Variants in ARHGAP24 observed in about 807,000 individuals in gnomAD.
The protein encoded by ARHGAP24 is rho GTPase-activating protein 24.
ARHGAP24 carries 50 observed loss-of-function variants against 76.4 expected under a neutral mutation model. The observed-to-expected ratio is 0.65, with a 90% CI of 0.52 to 0.83. The LOEUF is 0.83. Ranked by LOEUF, ARHGAP24 falls within the 40% of genes least tolerant of loss-of-function variation. ARHGAP24 has a pLI of 0.00. For synonymous variants in ARHGAP24, 345 were observed against 323.3 expected (o/e 1.07, Z -0.72); for missense variants, 930 against 914.2 (o/e 1.02, Z -0.22).
chr4:85,886,873 A>G (rs1446643356), intron 3 of ARHGAP24, among the ~76,000 whole-genome samples: 2 of 152,126 alleles, frequency 1.3e-5, no homozygotes, highest in African/African-American at 4.8e-5. Context: ...TGGGCAATGT[A>G]TTTGTTCTAT....
At chr4:85,990,655 G>A (rs753456726) in intron 8 of ARHGAP24, 3 of 151,628 alleles carry the variant, frequency 2.0e-5, no homozygotes, top group Non-Finnish European at 4.4e-5. Context: ...AATGTACCAC[G>A]GTATTTCAAT....
At chr4:85,569,978 T>C (rs1727016178) in intron 1 of ARHGAP24, among the ~76,000 whole-genome samples, 1 of 152,250 alleles carries the variant, frequency 6.6e-6, no homozygotes, top group African/African-American at 2.4e-5. Flanking sequence ...AGTTTGTTTA[T>C]AGAAATTCCT....
chr4:85,656,976 A>T (rs1357789365), intron 2 of ARHGAP24, among the ~76,000 whole-genome samples: 1 of 152,148 alleles, frequency 6.6e-6, no homozygotes, highest in Non-Finnish European at 1.5e-5. Flanking sequence ...ACAGCAAATT[A>T]TGTAGAATAG....
intron 3 of ARHGAP24, among the ~76,000 whole-genome samples, chr4:85,901,608 A>G (rs1240378909): frequency 6.6e-6 from 1 of 152,164 alleles, no homozygotes; most frequent in Non-Finnish European, 1.5e-5. Context: ...ATTTACTCAG[A>G]GCTTGAGATC....
intron 2 of ARHGAP24, among the ~76,000 whole-genome samples, chr4:85,667,024 A>C (rs890191618): frequency 6.6e-6 from 1 of 152,140 alleles, no homozygotes; most frequent in African/African-American, 2.4e-5. Context: ...TGCTCTCTTC[A>C]AAGCTGTCAG....
chr4:85,637,765 T>C (rs1721381877), intron 2 of ARHGAP24, among the ~76,000 whole-genome samples: 2 of 152,104 alleles, frequency 1.3e-5, no homozygotes, highest in South Asian at 2.1e-4. Context: ...CTCTTATTGA[T>C]GCAGCTACTA....
chr4:85,500,484 A>C (rs186776676), intron 1 of ARHGAP24, among the ~76,000 whole-genome samples: 18 of 152,366 alleles, frequency 1.2e-4, no homozygotes, highest in Middle Eastern at 3.4e-3. Flanking sequence ...CAACTCATTA[A>C]AACAACTAGG....
chr4:85,817,050 G>A (rs995239533), intron 3 of ARHGAP24, among the ~76,000 whole-genome samples: 1 of 151,910 alleles, frequency 6.6e-6, no homozygotes, highest in Non-Finnish European at 1.5e-5. Context: ...ATATCTGTTG[G>A]CCATTTGTAT....
intron 5 of ARHGAP24, among the ~76,000 whole-genome samples, chr4:85,968,068 C>T (rs1738737522): frequency 1.3e-5 from 2 of 152,142 alleles, no homozygotes; most frequent in South Asian, 2.1e-4. Context: ...TAGGTTTTCA[C>T]TTTGTTTTTG....
intron 8 of ARHGAP24, among the ~76,000 whole-genome samples, chr4:85,992,581 A>G (rs11943603): frequency 0.043 from 6,542 of 152,228 alleles, 503 homozygotes; most frequent in African/African-American, 0.15. Flanking sequence ...ACAGTCATAT[A>G]TAATGGAAAC....
chr4:85,960,143 G>A (rs1009614082), intron 5 of ARHGAP24, among the ~76,000 whole-genome samples: 1 of 152,096 alleles, frequency 6.6e-6, no homozygotes, highest in Non-Finnish European at 1.5e-5. Context: ...CAACATAGAA[G>A]TATTCTTAAC....
At chr4:85,592,778 A>G (rs1299915999) in intron 2 of ARHGAP24, among the ~76,000 whole-genome samples, 1 of 152,196 alleles carries the variant, frequency 6.6e-6, no homozygotes, top group Non-Finnish European at 1.5e-5. Flanking sequence ...CACTTAACAT[A>G]ATGAACTCCA....
rs536220169 is a variant in ARHGAP24 at position 85,783,700 on chromosome 4, G to C, written c.268+61728G>C. Among the ~76,000 whole-genome samples the C allele has an allele frequency of 2.0e-5, 3 of 152,274 alleles. No individual in the cohort carries two copies. The East Asian group carries it at 5.8e-4, about 29-fold the overall frequency. ...GGAGTGGAAGGGTTCTCATACTAAA[G>C]AAAACAGTCACGATTCCATGCCAGA... On this transcript the variant is annotated intron_variant, in intron 3 of 9. Coordinates refer to ENST00000395184, the MANE Select transcript of ARHGAP24 (RefSeq NM_001025616.3).
At chr4:85,886,225 T>C (rs918986912) in intron 3 of ARHGAP24, among the ~76,000 whole-genome samples, 2 of 152,164 alleles carry the variant, frequency 1.3e-5, no homozygotes, top group African/African-American at 2.4e-5. Context: ...ACATAATTTA[T>C]TTACTGTAAT....
At chr4:85,849,032 T>C (rs917892795) in intron 3 of ARHGAP24, among the ~76,000 whole-genome samples, 9 of 150,098 alleles carry the variant, frequency 6.0e-5, no homozygotes, top group African/African-American at 2.2e-4. Flanking sequence ...GTAAATTACC[T>C]TGGGCAGTAT....
At chr4:85,967,819 T>G (rs1207384152) in intron 5 of ARHGAP24, among the ~76,000 whole-genome samples, 2 of 152,146 alleles carry the variant, frequency 1.3e-5, no homozygotes, top group Non-Finnish European at 2.9e-5. Flanking sequence ...CAAATCTAGT[T>G]TAGTAGATCT....
intron 3 of ARHGAP24, among the ~76,000 whole-genome samples, chr4:85,865,618 G>A (rs1732155893): frequency 6.7e-6 from 1 of 148,614 alleles, no homozygotes; most frequent in Admixed American, 6.8e-5. Flanking sequence ...TATAATTAGG[G>A]AATGTACATT....
At chr4:85,740,731 T>C (rs1725792261) in intron 3 of ARHGAP24, among the ~76,000 whole-genome samples, 1 of 152,176 alleles carries the variant, frequency 6.6e-6, no homozygotes, top group Non-Finnish European at 1.5e-5. Context: ...GAAGATGATG[T>C]CATTCTTTGC....
intron 3 of ARHGAP24, among the ~76,000 whole-genome samples, chr4:85,838,077 GC>G (rs1474647624): frequency 6.6e-6 from 1 of 152,156 alleles, no homozygotes; most frequent in Non-Finnish European, 1.5e-5. Context: ...CTAGGTGCCA[GC>G]CACTCTCCTA....
Sources: allele counts gnomAD v4.1 joint callset (sites outside exome capture counted in the v4.1 genomes callset), GRCh38; gene constraint gnomAD v4.1.1; transcripts MANE v1.5; gene names NCBI Gene and HGNC (gene_info 2026-07-23, HGNC 2026-07-21).